Variants in MCF2L observed in about 807,000 individuals in gnomAD.
MCF2L encodes MCF.2 cell line derived transforming sequence like, also known as guanine nucleotide exchange factor DBS.
Under a neutral mutation model 153.4 loss-of-function variants are expected in MCF2L, and 97 were observed. That is an observed-to-expected ratio of 0.63 (90% CI 0.54 to 0.75). The LOEUF is 0.75. Among genes scored for constraint, MCF2L ranks in the 30% least tolerant of loss-of-function variants. MCF2L has a pLI of 0.00. For synonymous variants in MCF2L, 659 were observed against 632.2 expected (o/e 1.04, Z -0.64); for missense variants, 1,347 against 1,495.2 (o/e 0.90, Z 1.64).
rs578073312 is a variant in MCF2L at position 113,003,489 on chromosome 13, C to T, written c.80-11274C>T. Among the ~76,000 whole-genome samples, 6 of 151,790 alleles carry T rather than the reference C, an allele frequency of 4.0e-5. 1 individual carries two copies. The highest frequency in any genetic ancestry group is 4.2e-4 in the South Asian group (2 of 4,800). On this transcript the variant is annotated intron_variant, in intron 1 of 29. Transcript: ENST00000535094. ...GGCTGTGGGGCACCGTGGAAGGCTC[C>T]GGTGTGAGCAGGGGTAGGTGGCTGC...
At chr13:112,990,491 G>A (rs913450582) in intron 1 of MCF2L, among the ~76,000 whole-genome samples, 1 of 152,202 alleles carries the variant, frequency 6.6e-6, no homozygotes, top group African/African-American at 2.4e-5. Flanking sequence ...CCGAGGCGGG[G>A]AGCAGTGGCT....
At position 113,097,649 on chromosome 13, in the gene MCF2L, C is replaced by T. The variant is rs1443993566; in HGVS notation, c.*790C>T. On this transcript the variant is annotated 3_prime_UTR_variant, in exon 30 of 30. Transcript: ENST00000535094. ...TTTAAACTATAATTTAAACAATTAACGTTCTTTTCTACAAAAAAAATGCAG... is the reference window on the plus strand; with the variant it reads ...TTTAAACTATAATTTAAACAATTAATGTTCTTTTCTACAAAAAAAATGCAG... The T allele has an allele frequency of 7.0e-6, 1 of 141,866 alleles. No homozygotes were observed. Among genetic ancestry groups the T allele is most frequent in the East Asian group, 1.9e-4 (1 of 5,184 alleles). 8.8% of individuals were successfully genotyped at this position (141,866 alleles called of 1,614,324 possible).
At chr13:112,926,982 T>TA (rs1387199509) in intron 2 of MCF2L, among the ~76,000 whole-genome samples, 2 of 152,216 alleles carry the variant, frequency 1.3e-5, no homozygotes, top group African/African-American at 4.8e-5. Context: ...CATACATACT[T>TA]CAGACCATCA....
In MCF2L at chr13:112,904,268, C is replaced by G. The variant is rs2081149399; in HGVS notation, c.169+1897C>G. 6.6e-6 allele frequency among the ~76,000 whole-genome samples: 1 copy of G among 152,062 alleles called. No homozygotes were observed. Among genetic ancestry groups the G allele is most frequent in the Admixed American group, 6.6e-5 (1 of 15,266 alleles). On this transcript the variant is annotated intron_variant, in intron 2 of 29. Coordinates refer to the MCF2L transcript ENST00000375608. This position sits in a 1 kb window ranked among gnomAD's most constrained non-coding sequence, Gnocchi z 4.2. ...GGAACCCTCACAACTGAACCAAGTG[C>G]TCCTATTATTTCTCAACGTACCGAG...
In MCF2L at chr13:113,075,172, C is replaced by T; in HGVS notation, c.1291C>T (p.His431Tyr). 2 of 1,598,854 alleles carry T rather than the reference C, an allele frequency of 1.3e-6. No individual in the cohort carries two copies. Among genetic ancestry groups the T allele is most frequent in the South Asian group, 1.1e-5 (1 of 90,660 alleles). ...RGLLSKSLEL[H>Y]RRLETSMKWC... ...GCTGCTCAGCAAGTCCCTGGAGCTG[C>T]ACCGCCGCCTGGAGACGGTAGGCCG... is the stretch of plus-strand genomic sequence containing the variant. Residue 431 changes from histidine to tyrosine, a missense_variant, in exon 11 of 30, where the codon CAC becomes TAC. Around this residue, in one of 3 missense-constraint regions of MCF2L, gnomAD observed 820 missense variants for 921.2 expected, o/e 0.89. Transcript: ENST00000535094.
At chr13:113,076,545 G>A (rs1019782590) in intron 12 of MCF2L, among the ~76,000 whole-genome samples, 1 of 152,238 alleles carries the variant, frequency 6.6e-6, no homozygotes, top group East Asian at 1.9e-4. Context: ...AATGACAGGT[G>A]TGAGCCACCG....
Position 113,028,429 on chromosome 13 carries a change from T to G in MCF2L, c.278+3671T>G, listed in dbSNP as rs2085442025. Among the ~76,000 whole-genome samples the G allele has an allele frequency of 6.6e-6, 1 of 152,188 alleles. No individual in the cohort carries two copies. Among genetic ancestry groups the G allele is most frequent in the Non-Finnish European group, 1.5e-5 (1 of 68,036 alleles). ...ACTTGTCTGTCTGCTTCTCCTGAGATCCAGGAATCTCAGATGGGTCCAGAC... is the reference window on the plus strand; with the variant it reads ...ACTTGTCTGTCTGCTTCTCCTGAGAGCCAGGAATCTCAGATGGGTCCAGAC... On this transcript the variant is annotated intron_variant, in intron 3 of 29. Transcript: ENST00000535094. This position sits in a 1 kb window ranked among gnomAD's most constrained non-coding sequence, Gnocchi z 5.4.
chr13:113,093,081 C>T (rs570853048), intron 26 of MCF2L, among the ~76,000 whole-genome samples: 2 of 152,358 alleles, frequency 1.3e-5, no homozygotes, highest in African/African-American at 4.8e-5. Flanking sequence ...AGAGGCCCCA[C>T]GTGCGGTGCC....
At chr13:112,995,169 C>T (rs1052887489) in intron 1 of MCF2L, among the ~76,000 whole-genome samples, 17 of 152,220 alleles carry the variant, frequency 1.1e-4, no homozygotes, top group East Asian at 5.8e-4. Flanking sequence ...GCCCGTGCCC[C>T]GGGCTCCCCT....
intron 2 of MCF2L, among the ~76,000 whole-genome samples, chr13:112,963,969 G>A (rs928091663): frequency 3.3e-5 from 5 of 152,256 alleles, no homozygotes; most frequent in Admixed American, 3.3e-4. Flanking sequence ...AGAGAGGCTT[G>A]GCCTGCAGCC....
intron 1 of MCF2L, among the ~76,000 whole-genome samples, chr13:112,990,175 G>A (rs2082844785): frequency 6.6e-6 from 1 of 152,170 alleles, no homozygotes; most frequent in African/African-American, 2.4e-5. Context: ...AAACCATTCA[G>A]ATCTGTGGGA....
intron 1 of MCF2L, among the ~76,000 whole-genome samples, chr13:112,985,999 C>T (rs1261667839): frequency 6.8e-6 from 1 of 147,940 alleles, no homozygotes; most frequent in Admixed American, 6.6e-5. Context: ...GCCACTCTTC[C>T]TCTTCCCGTC....
chr13:113,026,678 T>G (rs1011716572), intron 3 of MCF2L, among the ~76,000 whole-genome samples: 3 of 152,256 alleles, frequency 2.0e-5, no homozygotes, highest in African/African-American at 7.2e-5. Context: ...ACGTGGCCTC[T>G]CTGTGTCGTG....
chr13:113,096,520 G>C (rs376455683), intron 28 of MCF2L, 30 bp from the exon 29 acceptor site: 24 of 1,585,652 alleles, frequency 1.5e-5, no homozygotes, highest in Non-Finnish European at 2.0e-5. Context: ...TGCCCCGCAC[G>C]TGGCTGCCGC....
At chr13:112,936,113 C>G (rs925799617) in intron 2 of MCF2L, among the ~76,000 whole-genome samples, 6 of 152,018 alleles carry the variant, frequency 3.9e-5, no homozygotes, top group African/African-American at 1.5e-4. Context: ...AACCCCGTCT[C>G]TACTAAAAAT....
At chr13:112,898,531 G>A (rs9603984) in intron 1 of MCF2L, among the ~76,000 whole-genome samples, 1,649 of 152,186 alleles carry the variant, frequency 0.011, 37 homozygotes, top group African/African-American at 0.038. Flanking sequence ...TGCCAGACAC[G>A]GCAGCAGCAG....
chr13:112,936,230 A>C (rs1006171145), intron 2 of MCF2L, among the ~76,000 whole-genome samples: 1 of 148,764 alleles, frequency 6.7e-6, no homozygotes, highest in Non-Finnish European at 1.5e-5. Flanking sequence ...CAGTGAGCCA[A>C]GATCGTGCCA....
chr13:112,952,668 C>A (rs2081707895), intron 2 of MCF2L, among the ~76,000 whole-genome samples: 1 of 152,166 alleles, frequency 6.6e-6, no homozygotes. Context: ...AGGGTAAATG[C>A]ATTACTATTA....
intron 8 of MCF2L, among the ~76,000 whole-genome samples, chr13:113,069,704 G>T (rs917218487): frequency 1.1e-4 from 17 of 152,246 alleles, no homozygotes; most frequent in Non-Finnish European, 2.4e-4. Flanking sequence ...CAGCCCAGGT[G>T]ATGGAACCAG....
Sources: allele counts gnomAD v4.1 joint callset (sites outside exome capture counted in the v4.1 genomes callset), GRCh38; gene constraint gnomAD v4.1.1; regional missense constraint gnomAD v4.1.1; non-coding constraint Gnocchi (gnomAD v3.1); transcripts MANE v1.5; gene names NCBI Gene and HGNC (gene_info 2026-07-23, HGNC 2026-07-21).